B3GAT2: variants seen among roughly 807,000 people sequenced by gnomAD.
The protein encoded by B3GAT2 is beta-1,3-glucuronyltransferase 2, also known as galactosylgalactosylxylosylprotein 3-beta-glucuronosyltransferase 2.
A neutral mutation model predicts 27.8 loss-of-function variants in B3GAT2; 26 were observed. That is an observed-to-expected ratio of 0.93 (90% CI 0.68 to 1.30). The LOEUF is 1.30. Ranked by LOEUF, B3GAT2 falls within the 50% of genes most tolerant of loss-of-function variation. B3GAT2 has a pLI of 0.00. For missense variants in B3GAT2, 458 were observed against 459.0 expected (o/e 1.00, Z 0.02); for synonymous variants, 218 against 195.1 (o/e 1.12, Z -0.98).
At chr6:70,872,761 T>A (rs1771958179) in intron 2 of B3GAT2, among the ~76,000 whole-genome samples, 1 of 151,992 alleles carries the variant, frequency 6.6e-6, no homozygotes, top group East Asian at 1.9e-4. Context: ...ATTTTATTCC[T>A]CTATTTCTCT....
chr6:70,922,167 G>GA (rs1413080069), intron 1 of B3GAT2, among the ~76,000 whole-genome samples: 8 of 151,766 alleles, frequency 5.3e-5, no homozygotes, highest in African/African-American at 1.5e-4. Context: ...AATTCCTCAA[G>GA]AAAAAAATCT....
rs561941859 is a variant in B3GAT2, at chr6:70,866,964, T to C, written c.737-4986A>G. Among the ~76,000 whole-genome samples the C allele has an allele frequency of 4.6e-4, 70 of 152,150 alleles. 1 individual carries two copies. Among genetic ancestry groups the C allele is most frequent in the African/African-American group, 1.7e-3 (69 of 41,564 alleles). ...TTAAAATAATTTAAATTGTACAAAA[T>C]ATGTTTTCTGACTACAGTGGAATTA... is the stretch of plus-strand genomic sequence containing the variant. On this transcript the variant is annotated intron_variant, in intron 2 of 3. Coordinates refer to ENST00000230053, the MANE Select transcript of B3GAT2 (RefSeq NM_080742.3).
chr6:70,867,844 C>T (rs1306702283), intron 2 of B3GAT2, among the ~76,000 whole-genome samples: 4 of 152,050 alleles, frequency 2.6e-5, no homozygotes. Flanking sequence ...GATACCAAAA[C>T]CAGACAAAAA....
At chr6:70,942,835 T>A (rs1383390810) in intron 1 of B3GAT2, among the ~76,000 whole-genome samples, 4 of 152,106 alleles carry the variant, frequency 2.6e-5, no homozygotes, top group Non-Finnish European at 5.9e-5. Flanking sequence ...TCTTACAGAG[T>A]AATACAGTAG....
chr6:70,859,498 T>TAAGTC lies in B3GAT2; in HGVS notation c.*2160_*2164dup, dbSNP rs1429879999. The TAAGTC allele has an allele frequency of 3.3e-4, 287 of 881,092 alleles. 1 individual carries two copies. The East Asian group carries it at 7.7e-3, about 23-fold the overall frequency. The allele number at this position is 881,092 out of a possible 1,614,324, so 54.6% of individuals were successfully genotyped here. A position where few individuals can be genotyped will look rare whatever the true frequency, so the allele number is the denominator to read the frequency against. On this transcript the variant is annotated 3_prime_UTR_variant, in exon 4 of 4. Transcript: ENST00000230053. Reference sequence around the variant, plus strand: ...ATGTTAGTGTCTTTGAAACTGTAAATAAGTCAAGTCAAATGTATTAAATTA... The same window carrying TAAGTC: ...ATGTTAGTGTCTTTGAAACTGTAAATAAGTCAAGTCAAGTCAAATGTATTAAATTA...
chr6:70,883,686 G>C (rs1303782826), intron 2 of B3GAT2, among the ~76,000 whole-genome samples: 3 of 152,126 alleles, frequency 2.0e-5, no homozygotes, highest in Non-Finnish European at 4.4e-5. Flanking sequence ...GAATACCACT[G>C]AACTGTCCAC....
chr6:70,886,189 G>A (rs1428704681), intron 2 of B3GAT2, among the ~76,000 whole-genome samples: 1 of 152,196 alleles, frequency 6.6e-6, no homozygotes, highest in Non-Finnish European at 1.5e-5. Context: ...CTGTAGGTGG[G>A]TGAGTTGGAG....
chr6:70,859,411 T>C lies in B3GAT2; in HGVS notation c.*2252A>G, dbSNP rs1187975815. ...ATGACAAGGTGGTTAAAATGTCCTTTAGTAGGTATGAAGACGTGATCTGCT... is the reference window on the plus strand; with the variant it reads ...ATGACAAGGTGGTTAAAATGTCCTTCAGTAGGTATGAAGACGTGATCTGCT... On this transcript the variant is annotated 3_prime_UTR_variant, in exon 4 of 4. Transcript: ENST00000230053. 6.5e-7 allele frequency: 1 copy of C among 1,546,136 alleles called. No individual in the cohort carries two copies. The highest frequency in any genetic ancestry group is 1.7e-4 in the Middle Eastern group (1 of 5,966).
chr6:70,894,275 A>G lies in B3GAT2; in HGVS notation c.592-3T>C, dbSNP rs1168679914. 1 of 1,571,874 alleles carries G rather than the reference A, an allele frequency of 6.4e-7. No individual in the cohort carries two copies. The highest frequency in any genetic ancestry group is 8.6e-7 in the Non-Finnish European group (1 of 1,159,294). On this transcript the variant is annotated splice_polypyrimidine_tract_variant and splice_region_variant and intron_variant, in intron 1 of 3. Transcript: ENST00000230053. ...GAGACCTTGCGGGTGGTTCGCATCT[A>G]TAAAAAGGGAAAAGACATGTGTTTT... is the stretch of plus-strand genomic sequence containing the variant.
chr6:70,912,621 T>C (rs924263487), intron 1 of B3GAT2, among the ~76,000 whole-genome samples: 6 of 151,826 alleles, frequency 4.0e-5, no homozygotes, highest in African/African-American at 1.2e-4. Context: ...GTTTTCGTTA[T>C]CAGGATGAAG....
chr6:70,869,894 G>C (rs1771906189), intron 2 of B3GAT2, among the ~76,000 whole-genome samples: 1 of 152,122 alleles, frequency 6.6e-6, no homozygotes. Context: ...GGAAACAACA[G>C]GTGCTGGAGA....
chr6:70,915,498 G>T (rs954856730), intron 1 of B3GAT2, among the ~76,000 whole-genome samples: 1 of 152,146 alleles, frequency 6.6e-6, no homozygotes, highest in Non-Finnish European at 1.5e-5. Context: ...TGCACTGAAG[G>T]GTATTGCCTA....
intron 1 of B3GAT2, among the ~76,000 whole-genome samples, chr6:70,929,366 A>C (rs1773021438): frequency 6.6e-6 from 1 of 152,214 alleles, no homozygotes. Flanking sequence ...TATTTAAAAA[A>C]AGAAATAAAA....
At chr6:70,944,297 G>A (rs1765440550) in intron 1 of B3GAT2, among the ~76,000 whole-genome samples, 1 of 152,126 alleles carries the variant, frequency 6.6e-6, no homozygotes, top group Non-Finnish European at 1.5e-5. Flanking sequence ...GAAGCGCAAG[G>A]GGTCAGGGAG....
chr6:70,867,324 T>A (rs1402231519), intron 2 of B3GAT2, among the ~76,000 whole-genome samples: 1 of 151,722 alleles, frequency 6.6e-6, no homozygotes, highest in Non-Finnish European at 1.5e-5. Flanking sequence ...CTAATAGATA[T>A]GAGAGCAGAA....
At chr6:70,870,054 G>A (rs1771909055) in intron 2 of B3GAT2, among the ~76,000 whole-genome samples, 1 of 152,072 alleles carries the variant, frequency 6.6e-6, no homozygotes, top group Admixed American at 6.6e-5. Context: ...TATACCCAAA[G>A]GATTATAAAT....
chr6:70,945,516 T>A (rs1765466014), intron 1 of B3GAT2, among the ~76,000 whole-genome samples: 1 of 151,182 alleles, frequency 6.6e-6, no homozygotes, highest in African/African-American at 2.4e-5. Context: ...GAAGGGAAGT[T>A]TAGAGAAAAA....
At chr6:70,909,140 A>ACT (rs112150415) in intron 1 of B3GAT2, among the ~76,000 whole-genome samples, 75 of 151,960 alleles carry the variant, frequency 4.9e-4, no homozygotes, top group African/African-American at 1.6e-3. Flanking sequence ...ACATTCACAC[A>ACT]CTCTCTCTCT....
chr6:70,880,516 G>C (rs146648636), intron 2 of B3GAT2, among the ~76,000 whole-genome samples: 8 of 152,178 alleles, frequency 5.3e-5, no homozygotes, highest in African/African-American at 1.7e-4. Context: ...CTGATTTTTA[G>C]AGACAGAGTC....
Sources: gnomAD v4.1 joint callset for allele counts (sites outside exome capture counted in the v4.1 genomes callset) on GRCh38, gnomAD v4.1.1 for gene constraint, MANE v1.5 for transcripts, NCBI Gene and HGNC (gene_info 2026-07-23, HGNC 2026-07-21) for gene names.